The following TLN2 variants were observed in gnomAD, a reference collection of about 807,000 sequenced individuals.
TLN2 encodes talin-2.
In TLN2, 118 loss-of-function variants were observed where a neutral mutation model predicts 294.7. The observed-to-expected ratio is 0.40, with a 90% CI of 0.34 to 0.47. TLN2 has a LOEUF of 0.47. Ranked by LOEUF, TLN2 falls within the 20% of genes least tolerant of loss-of-function variation. The pLI is 0.84. For synonymous variants in TLN2, 1,431 were observed against 1,304.5 expected (o/e 1.10, Z -2.09); for missense variants, 3,083 against 3,282.2 (o/e 0.94, Z 1.48).
chr15:62,464,101 C>G (rs1201603), intron 1 of TLN2, among the ~76,000 whole-genome samples: 53,368 of 152,042 alleles, frequency 0.35, 10,037 homozygotes, highest in East Asian at 0.7. Flanking sequence ...ATAAATCATG[C>G]TACTATGAAG....
Position 62,841,251 on chromosome 15 carries a change from A to T in TLN2, c.*641A>T, listed in dbSNP as rs543943008. 1 of 152,826 alleles carries T rather than the reference A, an allele frequency of 6.5e-6. No individual in the cohort carries two copies. Among genetic ancestry groups the T allele is most frequent in the South Asian group, 2.1e-4 (1 of 4,822 alleles). The allele number at this position is 152,826 out of a possible 1,614,324, so 9.5% of individuals were successfully genotyped here. ...TTGTATTTTGTGGCCCAGAAAACTG[A>T]ACGATTATTTTGTTCCTCCGTAGTC... On this transcript the variant is annotated 3_prime_UTR_variant, in exon 59 of 59. Coordinates refer to ENST00000636159, the MANE Select transcript of TLN2 (RefSeq NM_015059.3).
rs150399229 is a variant in TLN2, at chr15:62,807,225, CTCAA to C, written c.6663+1444_6663+1447del. Among the ~76,000 whole-genome samples the C allele has an allele frequency of 4.6e-3, 707 of 152,232 alleles. 6 individuals carry two copies. The highest frequency in any genetic ancestry group is 0.016 in the African/African-American group (647 of 41,518). ...AGATAACTGCCAAAGGGGTTACATC[CTCAA>C]TCAGAGAGTAAAGGCCTGCATGCAT... On this transcript the variant is annotated intron_variant, in intron 51 of 58. Transcript: ENST00000636159.
At chr15:62,643,696 C>T (rs1263143775) in intron 3 of TLN2, among the ~76,000 whole-genome samples, 1 of 151,998 alleles carries the variant, frequency 6.6e-6, no homozygotes, top group Non-Finnish European at 1.5e-5. Flanking sequence ...ACCTCCTGCT[C>T]TCTGAAGGCA....
At chr15:62,676,463 G>A (rs912080864) in intron 11 of TLN2, among the ~76,000 whole-genome samples, 2 of 152,270 alleles carry the variant, frequency 1.3e-5, no homozygotes, top group Non-Finnish European at 1.5e-5. Flanking sequence ...TAAAAGATCA[G>A]TGAGTATTTA....
intron 52 of TLN2, among the ~76,000 whole-genome samples, chr15:62,814,332 C>T (rs186241610): frequency 1.1e-3 from 170 of 152,284 alleles, no homozygotes; most frequent in Non-Finnish European, 1.8e-3. Context: ...TTATTGACTT[C>T]CTTCTATAGA....
chr15:62,665,959 G>A (rs1397631902), intron 9 of TLN2, among the ~76,000 whole-genome samples: 2 of 152,122 alleles, frequency 1.3e-5, no homozygotes, highest in Admixed American at 6.5e-5. Context: ...CTGACAGCCC[G>A]GAGCTCTCCT....
chr15:62,553,036 A>G (rs187099786), intron 1 of TLN2, among the ~76,000 whole-genome samples: 158 of 152,356 alleles, frequency 1.0e-3, no homozygotes, highest in Non-Finnish European at 2.0e-3. Flanking sequence ...CTAAAAAATA[A>G]TATATCCACA....
intron 3 of TLN2, among the ~76,000 whole-genome samples, chr15:62,623,038 G>A (rs576796324): frequency 6.6e-6 from 1 of 152,320 alleles, no homozygotes; most frequent in African/African-American, 2.4e-5. Context: ...GGTGATCAAC[G>A]TGGCCTCCAG....
intron 1 of TLN2, among the ~76,000 whole-genome samples, chr15:62,585,719 C>G (rs1185568927): frequency 6.6e-6 from 1 of 152,190 alleles, no homozygotes; most frequent in African/African-American, 2.4e-5. Context: ...TAGCAAGCTC[C>G]TGGTCCCTTT....
intron 28 of TLN2, among the ~76,000 whole-genome samples, chr15:62,734,306 T>C (rs964302547): frequency 6.6e-6 from 1 of 152,190 alleles, no homozygotes; most frequent in African/African-American, 2.4e-5. Context: ...AGAGTCCATA[T>C]GACAAATGGG....
chr15:62,448,157 C>T (rs1433825582), intron 1 of TLN2, among the ~76,000 whole-genome samples: 1 of 152,176 alleles, frequency 6.6e-6, no homozygotes, highest in Non-Finnish European at 1.5e-5. Context: ...CATAGTGCCT[C>T]CTTACATTAG....
At chr15:62,822,829 C>T (rs546694788) in intron 54 of TLN2, among the ~76,000 whole-genome samples, 1 of 152,274 alleles carries the variant, frequency 6.6e-6, no homozygotes, top group African/African-American at 2.4e-5. Context: ...ATGATTACAA[C>T]TCTAAAAACT....
chr15:62,624,436 G>C (rs1244800079), intron 3 of TLN2, among the ~76,000 whole-genome samples: 1 of 152,218 alleles, frequency 6.6e-6, no homozygotes, highest in Non-Finnish European at 1.5e-5. Context: ...TCCCTGGGAA[G>C]CCTTGAAGTG....
chr15:62,835,604 C>T (rs1296481520), intron 55 of TLN2, 133 bp from the exon 56 acceptor site: 30 of 928,852 alleles, frequency 3.2e-5, no homozygotes, highest in Non-Finnish European at 4.5e-5. Context: ...TTGCTCCATT[C>T]TCAGGCCTGT....
intron 12 of TLN2, among the ~76,000 whole-genome samples, chr15:62,688,274 C>G (rs1363197136): frequency 6.6e-6 from 1 of 152,086 alleles, no homozygotes; most frequent in Non-Finnish European, 1.5e-5. Context: ...CCTTCCTACT[C>G]CTAGCCTTTA....
intron 35 of TLN2, 103 bp from the exon 36 acceptor site, chr15:62,753,670 G>A (rs1008076343): frequency 8.6e-6 from 12 of 1,402,850 alleles, no homozygotes; most frequent in Non-Finnish European, 1.1e-5. Flanking sequence ...GAACTGAGGA[G>A]TGCCTGAGTG....
intron 2 of TLN2, among the ~76,000 whole-genome samples, chr15:62,615,533 C>A (rs74882801): frequency 0.018 from 2,696 of 152,284 alleles, 51 homozygotes; most frequent in South Asian, 0.072. Flanking sequence ...AATCAAAACA[C>A]AGCAAACTAG....
chr15:62,739,382 A>T lies in TLN2; in HGVS notation c.3722A>T (p.Gln1241Leu). 1 of 1,614,084 alleles carries T rather than the reference A, an allele frequency of 6.2e-7. No individual in the cohort carries two copies. Residue 1241 changes from glutamine to leucine, a missense_variant, in exon 31 of 59, where the codon CAG becomes CTG. Transcript: ENST00000636159. Reference sequence around the variant, plus strand: ...AGCACGAAGCCTTTCCAGGAAGCCCAGAGTGAACTGAACCAGGCAGCAGCT... The same window carrying T: ...AGCACGAAGCCTTTCCAGGAAGCCCTGAGTGAACTGAACCAGGCAGCAGCT... ...PPSTKPFQEA[Q>L]SELNQAAADL...
intron 1 of TLN2, among the ~76,000 whole-genome samples, chr15:62,391,074 C>T (rs947159254): frequency 6.6e-6 from 1 of 152,210 alleles, no homozygotes; most frequent in African/African-American, 2.4e-5. Flanking sequence ...TGAAAAGCGG[C>T]CCCGCCTGCA....
Sources: gnomAD v4.1 joint callset for allele counts (sites outside exome capture counted in the v4.1 genomes callset) on GRCh38, gnomAD v4.1.1 for gene constraint, MANE v1.5 for transcripts, NCBI Gene and HGNC (gene_info 2026-07-23, HGNC 2026-07-21) for gene names.